The following OPCML variants were observed in gnomAD, a reference collection of about 807,000 sequenced individuals.
OPCML encodes the protein opioid-binding protein/cell adhesion molecule.
OPCML carries 13 observed loss-of-function variants against 37.8 expected under a neutral mutation model. That is an observed-to-expected ratio of 0.34 (90% CI 0.22 to 0.55). OPCML has a LOEUF of 0.55. OPCML is among the 20% of genes least tolerant of loss of function. The pLI, the probability that OPCML is intolerant of heterozygous loss-of-function variation, is 0.91. For synonymous variants in OPCML, 176 were observed against 168.8 expected (o/e 1.04, Z -0.33); for missense variants, 341 against 435.6 (o/e 0.78, Z 1.93).
chr11:133,263,737 A>G (rs568246982), intron 1 of OPCML, among the ~76,000 whole-genome samples: 3 of 152,330 alleles, frequency 2.0e-5, no homozygotes, highest in African/African-American at 7.2e-5. Context: ...GTGGGTGTTT[A>G]GATTCTGCTG....
chr11:132,844,384 G>A (rs1941430607), intron 2 of OPCML, among the ~76,000 whole-genome samples: 1 of 152,194 alleles, frequency 6.6e-6, no homozygotes, highest in African/African-American at 2.4e-5. Flanking sequence ...GTGAGAACAA[G>A]AGGAAGCAAT....
At chr11:132,981,405 C>T (rs539921422) in intron 1 of OPCML, among the ~76,000 whole-genome samples, 18 of 151,926 alleles carry the variant, frequency 1.2e-4, no homozygotes, top group Admixed American at 4.6e-4. Context: ...TGGGATTTGT[C>T]GATGGAGGGG....
intron 7 of OPCML, among the ~76,000 whole-genome samples, chr11:132,430,007 G>C (rs898634194): frequency 2.0e-5 from 3 of 152,146 alleles, no homozygotes; most frequent in African/African-American, 7.2e-5. Flanking sequence ...GGGGCATTGT[G>C]GGGTGAGAGG....
chr11:133,407,798 A>T (rs921386450), intron 1 of OPCML, among the ~76,000 whole-genome samples: 5 of 152,192 alleles, frequency 3.3e-5, no homozygotes, highest in African/African-American at 1.2e-4. Context: ...ATGCATTTTT[A>T]AAAATACCCA....
chr11:133,271,884 C>T (rs1941849204), intron 1 of OPCML, among the ~76,000 whole-genome samples: 1 of 152,148 alleles, frequency 6.6e-6, no homozygotes, highest in Non-Finnish European at 1.5e-5. Context: ...GATGCTCAAT[C>T]CAAGGGTTAT....
intron 3 of OPCML, among the ~76,000 whole-genome samples, chr11:132,588,942 C>G (rs1591592907): frequency 6.6e-6 from 1 of 152,180 alleles, no homozygotes; most frequent in East Asian, 1.9e-4. Flanking sequence ...TCTGCCCAAA[C>G]TCGCATATAA....
At chr11:133,531,780 C>G (rs7925761) in intron 1 of OPCML, among the ~76,000 whole-genome samples, 20 of 147,796 alleles carry the variant, frequency 1.4e-4, no homozygotes, top group African/African-American at 3.7e-4. Flanking sequence ...AGAAAAGAAA[C>G]AGAGAGAGAG....
In OPCML at chr11:132,673,715, A is replaced by G. The variant is rs546452065; in HGVS notation, c.147-16396T>C. Among the ~76,000 whole-genome samples the G allele has an allele frequency of 5.1e-4, 77 of 152,236 alleles. No individual in the cohort carries two copies. In the South Asian group the frequency reaches 0.016, roughly 32 times the overall value. The stretch of plus-strand genomic sequence containing the variant: ...CAGGAAGAAACACGTATCTGTAACC[A>G]TTTAGAACTCCACAGGGAGAATTTT... On this transcript the variant is annotated intron_variant, in intron 2 of 7. Transcript: ENST00000524381.
At chr11:132,891,770 A>G (rs965754808) in intron 2 of OPCML, among the ~76,000 whole-genome samples, 1 of 152,224 alleles carries the variant, frequency 6.6e-6, no homozygotes, top group Non-Finnish European at 1.5e-5. Flanking sequence ...TCATTCAAAT[A>G]TTGTCTTTAC....
chr11:133,243,427 G>C (rs1459029502), intron 1 of OPCML, among the ~76,000 whole-genome samples: 1 of 152,182 alleles, frequency 6.6e-6, no homozygotes, highest in East Asian at 1.9e-4. Flanking sequence ...CTTGATCCCA[G>C]GGAGGAGAGG....
At chr11:132,987,148 ACTGT>A (rs1324392471) in intron 1 of OPCML, among the ~76,000 whole-genome samples, 2 of 152,116 alleles carry the variant, frequency 1.3e-5, no homozygotes, top group South Asian at 2.1e-4. Flanking sequence ...TCCTCTAGAA[ACTGT>A]CTGTCTTGTG....
At chr11:132,766,716 C>T (rs1265579248) in intron 2 of OPCML, among the ~76,000 whole-genome samples, 1 of 151,856 alleles carries the variant, frequency 6.6e-6, no homozygotes, top group Admixed American at 6.6e-5. Context: ...ATGGCAGGGA[C>T]AATGCCTTGA....
chr11:132,712,637 G>C (rs955224604), intron 2 of OPCML, among the ~76,000 whole-genome samples: 4 of 152,184 alleles, frequency 2.6e-5, no homozygotes, highest in Non-Finnish European at 5.9e-5. Context: ...AAAACTCTGA[G>C]GTTCATCACG....
intron 3 of OPCML, among the ~76,000 whole-genome samples, chr11:132,615,181 A>G (rs544779788): frequency 6.6e-6 from 1 of 152,352 alleles, no homozygotes; most frequent in East Asian, 1.9e-4. Context: ...ACAATTTTAA[A>G]AGAGTAAGAG....
intron 4 of OPCML, among the ~76,000 whole-genome samples, chr11:132,438,086 G>A (rs184740421): frequency 5.3e-5 from 8 of 152,328 alleles, no homozygotes; most frequent in Admixed American, 1.3e-4. Context: ...TTCATTCTCA[G>A]GTACTTGTGA....
chr11:132,956,033 C>T (rs999451570), intron 1 of OPCML, among the ~76,000 whole-genome samples: 4 of 152,116 alleles, frequency 2.6e-5, no homozygotes, highest in African/African-American at 7.2e-5. Context: ...TATCTCTAAC[C>T]CATACCCTCC....
intron 3 of OPCML, among the ~76,000 whole-genome samples, chr11:132,614,985 TA>T (rs1244265652): frequency 6.6e-6 from 1 of 152,230 alleles, no homozygotes; most frequent in Non-Finnish European, 1.5e-5. Flanking sequence ...CAAGTCAAAT[TA>T]AAATGTGACA....
chr11:132,937,771 T>C (rs1269361609), intron 2 of OPCML, among the ~76,000 whole-genome samples: 3 of 152,016 alleles, frequency 2.0e-5, no homozygotes, highest in Non-Finnish European at 4.4e-5. Flanking sequence ...TCTTGCTGCC[T>C]CCCTGCATTG....
At chr11:132,664,172 T>C (rs1218997126) in intron 2 of OPCML, among the ~76,000 whole-genome samples, 1 of 152,220 alleles carries the variant, frequency 6.6e-6, no homozygotes, top group Non-Finnish European at 1.5e-5. Flanking sequence ...GCTATATATG[T>C]GCATAACTTA....
Sources: gnomAD v4.1 joint callset for allele counts (sites outside exome capture counted in the v4.1 genomes callset) on GRCh38, gnomAD v4.1.1 for gene constraint, MANE v1.5 for transcripts, NCBI Gene and HGNC (gene_info 2026-07-23, HGNC 2026-07-21) for gene names.